Variants in ZBTB7B observed in about 807,000 individuals in gnomAD.
ZBTB7B encodes zinc finger and BTB domain-containing protein 7B.
ZBTB7B carries 8 observed loss-of-function variants against 31.0 expected under a neutral mutation model. That is an observed-to-expected ratio of 0.26 (90% CI 0.15 to 0.47). ZBTB7B has a LOEUF of 0.47. ZBTB7B is among the 20% of genes least tolerant of loss of function. ZBTB7B has a pLI of 0.99. For missense variants in ZBTB7B, 494 were observed against 742.4 expected (o/e 0.67, Z 3.89); for synonymous variants, 261 against 307.3 (o/e 0.85, Z 1.58).
intron 1 of ZBTB7B, among the ~76,000 whole-genome samples, chr1:155,006,131 T>C (rs537454241): frequency 4.6e-5 from 7 of 152,338 alleles, no homozygotes; most frequent in African/African-American, 1.7e-4. Flanking sequence ...GGCACCCAGC[T>C]ACCACCTGGC....
chr1:155,014,780 G>A lies in ZBTB7B; in HGVS notation c.120G>A (p.Thr40=), dbSNP rs766758902. 3.1e-6 allele frequency: 5 copies of A among 1,614,236 alleles called. No individual in the cohort carries two copies. Among genetic ancestry groups the A allele is most frequent in the African/African-American group, 1.3e-5 (1 of 75,062 alleles). The change falls in exon 2 of 3, where the codon ACG becomes ACA. Residue 40 remains threonine, a synonymous_variant. Coordinates refer to ENST00000535420, the MANE Select transcript of ZBTB7B (RefSeq NM_001256455.2). ...ACCTATGTGACCTCACCATCCGGAC[G>A]CAGGGCCTTGAATACCGCACCCACA... ...LGHLCDLTIR[T]QGLEYRTHRA... is the part of the protein sequence containing the mutation.
chr1:155,009,689 C>G (rs1658819284), intron 1 of ZBTB7B, among the ~76,000 whole-genome samples: 1 of 152,070 alleles, frequency 6.6e-6, no homozygotes, highest in Non-Finnish European at 1.5e-5. Context: ...TCCCCTGCTT[C>G]ATCCAAAAGT....
Position 155,014,998 on chromosome 1 carries a change from C to G in ZBTB7B, c.338C>G (p.Thr113Ser). The G allele has an allele frequency of 6.2e-7, 1 of 1,613,998 alleles. No homozygotes were observed. Among genetic ancestry groups the G allele is most frequent in the Non-Finnish European group, 8.5e-7 (1 of 1,180,022 alleles). The change falls in exon 2 of 3, where the codon ACC becomes AGC. Residue 113 changes from threonine (T) to serine (S), a missense_variant. This residue lies in a region of ZBTB7B where 90 missense variants were observed against 143.2 expected (regional missense o/e 0.63). Coordinates refer to ENST00000535420, the MANE Select transcript of ZBTB7B (RefSeq NM_001256455.2). ...TTTGCCTATACAGCCACACTGACCA[C>G]CAGCAGCGCCAACATGCCAGCTGTG... ...LEFAYTATLT[T>S]SSANMPAVLQ...
At chr1:155,011,707 G>C (rs1658997929) in intron 1 of ZBTB7B, among the ~76,000 whole-genome samples, 1 of 152,246 alleles carries the variant, frequency 6.6e-6, no homozygotes, top group African/African-American at 2.4e-5. Flanking sequence ...GCAAGAGGGG[G>C]CATGCCAGAT....
intron 1 of ZBTB7B, among the ~76,000 whole-genome samples, chr1:155,006,324 C>T (rs550985832): frequency 1.3e-5 from 2 of 152,326 alleles, no homozygotes; most frequent in African/African-American, 4.8e-5. Context: ...ATAGCATTCT[C>T]ATTTGCCAGC....
chr1:155,014,336 C>A, intron 1 of ZBTB7B: 1 of 270,796 alleles, frequency 3.7e-6, no homozygotes. Context: ...GCCAGAAAGG[C>A]AGGGCTCCTG....
At chr1:155,002,272 GA>G, upstream of ZBTB7B, among the ~76,000 whole-genome samples, 1 of 151,434 alleles carries the variant, frequency 6.6e-6, no homozygotes, top group African/African-American at 2.4e-5. Context: ...CAAAGGGCTG[GA>G]TGGGGGCCGG....
chr1:155,016,131 G>A lies in ZBTB7B; in HGVS notation c.1155-89G>A. On this transcript the variant is annotated intron_variant, in intron 2 of 2. Coordinates refer to ENST00000535420, the MANE Select transcript of ZBTB7B (RefSeq NM_001256455.2). This position sits in a 1 kb window ranked among gnomAD's most constrained non-coding sequence, Gnocchi z 4.3. ...TGGGGTAACAAATGGTGAGGAACAG[G>A]GATGGGACAAGGCCAGGGTGGGATG... 2.2e-6 allele frequency: 3 copies of A among 1,394,932 alleles called. No individual in the cohort carries two copies. Among genetic ancestry groups the A allele is most frequent in the Non-Finnish European group, 3.0e-6 (3 of 1,008,722 alleles). The allele number at this position is 1,394,932 out of a possible 1,614,324, so 86.4% of individuals were successfully genotyped here.
chr1:155,016,681 C>A lies in ZBTB7B; in HGVS notation c.1616C>A (p.Ser539Tyr). The A allele has an allele frequency of 6.6e-7, 1 of 1,517,558 alleles. No individual in the cohort carries two copies. The highest frequency in any genetic ancestry group is 1.4e-5 in the African/African-American group (1 of 72,524). The allele number at this position is 1,517,558 out of a possible 1,614,324, so 94.0% of individuals were successfully genotyped here. ...TPQAEGAMES[S>Y] ...CAGGCTGAAGGTGCCATGGAGTCCTCTTAAAGAGGGACGAGGGCCAGACTG... is the reference window on the plus strand; with the variant it reads ...CAGGCTGAAGGTGCCATGGAGTCCTATTAAAGAGGGACGAGGGCCAGACTG... Residue 539 changes from serine to tyrosine, a missense_variant, in exon 3 of 3, where the codon TCT (serine) becomes TAT (tyrosine). Around this residue, in one of 5 missense-constraint regions of ZBTB7B, gnomAD observed 101 missense variants for 119.5 expected, o/e 0.85. Transcript: ENST00000535420. The surrounding 1 kb of genome is among the most constrained non-coding windows in gnomAD (Gnocchi z 4.3).
chr1:155,012,834 C>T (rs1181503550), intron 1 of ZBTB7B, among the ~76,000 whole-genome samples: 1 of 150,696 alleles, frequency 6.6e-6, no homozygotes, highest in Non-Finnish European at 1.5e-5. Flanking sequence ...AACCTTTCCC[C>T]ATCAATGGCC....
In ZBTB7B at chr1:155,015,265, G is replaced by T. The variant is rs142893228; in HGVS notation, c.605G>T (p.Arg202Leu). 2.5e-6 allele frequency: 4 copies of T among 1,613,488 alleles called. No homozygotes were observed. The African/African-American group carries it at 5.3e-5, about 22-fold the overall frequency. Residue 202 changes from arginine (R) to leucine (L), a missense_variant, in exon 2 of 3, where the codon CGC becomes CTC. Arg to Leu is a moderately radical substitution (Grantham distance 102, BLOSUM62 -2). This residue lies in a region of ZBTB7B where 216 missense variants were observed against 229.3 expected (regional missense o/e 0.94). Coordinates refer to ENST00000535420, the MANE Select transcript of ZBTB7B (RefSeq NM_001256455.2). ...PPPRPVARRSRKPRKAFLQTK... is the reference protein window; with the variant it reads ...PPPRPVARRSLKPRKAFLQTK... Reference sequence around the variant, plus strand: ...CCTCGGCCTGTTGCCCGCCGCAGCCGCAAGCCCCGGAAAGCTTTCCTGCAA... The same window carrying T: ...CCTCGGCCTGTTGCCCGCCGCAGCCTCAAGCCCCGGAAAGCTTTCCTGCAA...
At chr1:155,006,750 T>A (rs1180889888) in intron 1 of ZBTB7B, among the ~76,000 whole-genome samples, 1 of 151,686 alleles carries the variant, frequency 6.6e-6, no homozygotes, top group Non-Finnish European at 1.5e-5. Context: ...CCCCAACTCC[T>A]CCCCACCCAT....
Position 155,015,213 on chromosome 1 carries a change from C to T in ZBTB7B, c.553C>T (p.Pro185Ser). 1 of 1,613,778 alleles carries T rather than the reference C, an allele frequency of 6.2e-7. No individual in the cohort carries two copies. Among genetic ancestry groups the T allele is most frequent in the Non-Finnish European group, 8.5e-7 (1 of 1,180,012 alleles). The part of the protein sequence containing the change: ...PNGEDSPPQV[P>S]LPPPPPPPPR... ...TGGTGAAGACAGTCCTCCACAGGTG[C>T]CCCTCCCACCACCTCCGCCACCGCC... Residue 185 changes from proline (P) to serine (S), a missense_variant, in exon 2 of 3, where the codon CCC (proline) becomes TCC (serine). Coordinates refer to ENST00000535420, the MANE Select transcript of ZBTB7B (RefSeq NM_001256455.2).
chr1:155,015,212 G>A lies in ZBTB7B; in HGVS notation c.552G>A (p.Val184=). The A allele has an allele frequency of 6.2e-7, 1 of 1,613,752 alleles. No homozygotes were observed. Among genetic ancestry groups the A allele is most frequent in the Non-Finnish European group, 8.5e-7 (1 of 1,180,014 alleles). ...ATGGTGAAGACAGTCCTCCACAGGT[G>A]CCCCTCCCACCACCTCCGCCACCGC... is the stretch of plus-strand genomic sequence containing the variant. ...VPNGEDSPPQ[V]PLPPPPPPPP... is the part of the protein sequence containing the mutation. The change falls in exon 2 of 3, where the codon GTG becomes GTA. Residue 184 remains valine (V), a synonymous_variant. Coordinates refer to ENST00000535420, the MANE Select transcript of ZBTB7B (RefSeq NM_001256455.2).
intron 1 of ZBTB7B, among the ~76,000 whole-genome samples, chr1:155,012,362 C>A (rs1023407990): frequency 2.0e-5 from 3 of 152,072 alleles, no homozygotes; most frequent in Non-Finnish European, 4.4e-5. Context: ...CACCCATCCC[C>A]CTTAGGAGGG....
In ZBTB7B at chr1:155,015,682, G is replaced by A. The variant is rs1659342549; in HGVS notation, c.1022G>A (p.Arg341His). Residue 341 changes from arginine (R) to histidine (H), a missense_variant, in exon 2 of 3, where the codon CGC becomes CAC. Arg to His is a conservative substitution (Grantham distance 29). Transcript: ENST00000535420. The part of the protein sequence containing the change: ...DSQDKLVRKR[R>H]SQMPQECPVC... ...CAAGACAAGCTGGTGCGCAAACGCC[G>A]CTCCCAGATGCCTCAGGAGTGCCCT... is the stretch of plus-strand genomic sequence containing the variant. 1.2e-6 allele frequency: 2 copies of A among 1,612,926 alleles called. No individual in the cohort carries two copies. The highest frequency in any genetic ancestry group is 1.7e-6 in the Non-Finnish European group (2 of 1,180,008).
At chr1:155,005,025 C>T (rs1658473255) in intron 1 of ZBTB7B, among the ~76,000 whole-genome samples, 2 of 151,990 alleles carry the variant, frequency 1.3e-5, no homozygotes, top group South Asian at 4.1e-4. Context: ...GTCTGGAAGA[C>T]AGGTGCTGTC....
chr1:155,015,083 G>A lies in ZBTB7B; in HGVS notation c.423G>A (p.Leu141=). 3 of 1,613,776 alleles carry A rather than the reference G, an allele frequency of 1.9e-6. No individual in the cohort carries two copies. Among genetic ancestry groups the A allele is most frequent in the Non-Finnish European group, 2.5e-6 (3 of 1,180,030 alleles). The change falls in exon 2 of 3, where the codon CTG becomes CTA. Residue 141 remains leucine (L), a synonymous_variant. Transcript: ENST00000535420. ...PCVIAACMEI[L]QGSGLEAPSP... Reference sequence around the variant, plus strand: ...TCATCGCTGCTTGCATGGAGATTCTGCAGGGCAGTGGGCTAGAAGCTCCCA... The same window carrying A: ...TCATCGCTGCTTGCATGGAGATTCTACAGGGCAGTGGGCTAGAAGCTCCCA...
At chr1:155,010,107 G>A (rs1304732237) in intron 1 of ZBTB7B, among the ~76,000 whole-genome samples, 1 of 152,110 alleles carries the variant, frequency 6.6e-6, no homozygotes, top group African/African-American at 2.4e-5. Flanking sequence ...CAAAGGTGGC[G>A]GCGCTAAGGC....
Sources: gnomAD v4.1 joint callset for allele counts (sites outside exome capture counted in the v4.1 genomes callset) on GRCh38, gnomAD v4.1.1 for gene constraint, gnomAD v4.1.1 regional missense constraint, Gnocchi (gnomAD v3.1) non-coding constraint, MANE v1.5 for transcripts, NCBI Gene and HGNC (gene_info 2026-07-23, HGNC 2026-07-21) for gene names.